The following SENP2 variants were observed in gnomAD, a reference collection of about 807,000 sequenced individuals.
The protein encoded by SENP2 is sentrin-specific protease 2.
SENP2 carries 16 observed loss-of-function variants against 86.3 expected under a neutral mutation model. The ratio of observed to expected loss-of-function variants is 0.19; its 90% CI spans 0.13 to 0.28. The LOEUF is 0.28. Among genes scored for constraint, SENP2 ranks in the 10% least tolerant of loss-of-function variants. SENP2 has a pLI of 1.00. For synonymous variants in SENP2, 222 were observed against 238.7 expected, an observed-to-expected ratio of 0.93 and a Z score of 0.64; for missense variants, 552 against 703.0, an observed-to-expected ratio of 0.79 and a Z score of 2.43.
chr3:185,625,430 T>A (rs1200388264), intron 15 of SENP2, among the ~76,000 whole-genome samples: 1 of 152,112 alleles, frequency 6.6e-6, no homozygotes, highest in African/African-American at 2.4e-5. Flanking sequence ...ACTTTAAAAA[T>A]CATAATCAAC....
At chr3:185,629,187 A>G (rs1351313623) in intron 16 of SENP2, among the ~76,000 whole-genome samples, 1 of 152,210 alleles carries the variant, frequency 6.6e-6, no homozygotes, top group Non-Finnish European at 1.5e-5. Flanking sequence ...AAAGTTGCCT[A>G]TTGTGCCACC....
At position 185,589,500 on chromosome 3, in the gene SENP2, C is replaced by T. The variant is rs117267565; in HGVS notation, c.102-614C>T. On this transcript the variant is annotated intron_variant, in intron 1 of 16. Coordinates refer to ENST00000296257, the MANE Select transcript of SENP2 (RefSeq NM_021627.3). ...CTAAACTCTTACCTGGGTTCATTTA[C>T]TAGCTAAGTGACTTTGGCCAGTTTT... Among the ~76,000 whole-genome samples, 25 of 152,300 alleles carry T rather than the reference C, an allele frequency of 1.6e-4. No homozygotes were observed. The East Asian group carries it at 4.8e-3, about 29-fold the overall frequency.
At chr3:185,616,518 G>C (rs1711613548) in intron 11 of SENP2, among the ~76,000 whole-genome samples, 1 of 151,050 alleles carries the variant, frequency 6.6e-6, no homozygotes, top group East Asian at 2.0e-4. Flanking sequence ...GCTCACACCT[G>C]TAATCCCAGC....
intron 1 of SENP2, among the ~76,000 whole-genome samples, chr3:185,588,352 G>A (rs576062014): frequency 4.8e-4 from 71 of 149,434 alleles, no homozygotes; most frequent in African/African-American, 1.7e-3. Flanking sequence ...GCCCTCGCCC[G>A]ACTAATTTTT....
At chr3:185,587,592 A>G (rs1647621065) in intron 1 of SENP2, among the ~76,000 whole-genome samples, 1 of 64,716 alleles carries the variant, frequency 1.5e-5, no homozygotes, top group Non-Finnish European at 3.3e-5. Context: ...TTTGAGAAGG[A>G]GTCTCGCTCT....
intron 13 of SENP2, 148 bp from the exon 14 acceptor site, chr3:185,621,678 A>T: frequency 2.1e-6 from 1 of 480,358 alleles, no homozygotes. Flanking sequence ...GTGAGCCACC[A>T]TGCATGGCCC....
At chr3:185,624,151 C>A in intron 15 of SENP2, 69 bp downstream of exon 15, 2 of 1,060,404 alleles carry the variant, frequency 1.9e-6, no homozygotes, top group Non-Finnish European at 1.4e-6. Flanking sequence ...CTAGATTTGG[C>A]TCCCTTCCTG....
chr3:185,609,932 C>T (rs753766556), intron 7 of SENP2, among the ~76,000 whole-genome samples: 17 of 152,098 alleles, frequency 1.1e-4, no homozygotes, highest in South Asian at 2.1e-4. Flanking sequence ...TATAGGACAG[C>T]TTGTTAATTA....
chr3:185,594,943 T>C (rs1236658971), intron 2 of SENP2, among the ~76,000 whole-genome samples: 1 of 151,680 alleles, frequency 6.6e-6, no homozygotes, highest in Non-Finnish European at 1.5e-5. Context: ...AGGCTGGTCT[T>C]GAACTCCTGA....
chr3:185,598,823 G>C, intron 3 of SENP2, 135 bp from the exon 4 acceptor site: 1 of 703,654 alleles, frequency 1.4e-6, no homozygotes, highest in Non-Finnish European at 2.4e-6. Context: ...TGTGAGTCTT[G>C]ACAAGTTAAA....
chr3:185,626,940 T>A (rs1712173071), intron 16 of SENP2, among the ~76,000 whole-genome samples: 1 of 150,152 alleles, frequency 6.7e-6, no homozygotes, highest in South Asian at 2.1e-4. Context: ...AGCCACGTGG[T>A]GGTGCATGCC....
At chr3:185,587,160 T>G (rs1721811278) in intron 1 of SENP2, among the ~76,000 whole-genome samples, 1 of 152,154 alleles carries the variant, frequency 6.6e-6, no homozygotes, top group Non-Finnish European at 1.5e-5. Flanking sequence ...TGAGACGGAG[T>G]CTTGCTCTGT....
intron 2 of SENP2, among the ~76,000 whole-genome samples, chr3:185,597,241 G>T (rs1041463365): frequency 1.3e-5 from 2 of 152,026 alleles, no homozygotes; most frequent in Non-Finnish European, 2.9e-5. Flanking sequence ...AATCAGTATG[G>T]ATTTGCTAAA....
chr3:185,590,901 C>CTTTT (rs1158491597), intron 2 of SENP2, among the ~76,000 whole-genome samples: 15 of 94,174 alleles, frequency 1.6e-4, no homozygotes, highest in Non-Finnish European at 1.8e-4. Context: ...AGAAAGTCTC[C>CTTTT]TTTTTTTTTT....
chr3:185,604,855 G>A (rs13081203), intron 5 of SENP2, among the ~76,000 whole-genome samples: 57,272 of 150,504 alleles, frequency 0.38, 11,097 homozygotes, highest in South Asian at 0.56. Context: ...TCCTGGGTTC[G>A]AGCAATTCTC....
chr3:185,594,657 T>C (rs1411290737), intron 2 of SENP2, among the ~76,000 whole-genome samples: 3 of 150,068 alleles, frequency 2.0e-5, no homozygotes, highest in Non-Finnish European at 4.4e-5. Context: ...TCTCGCTGTG[T>C]CACCCAGGCT....
intron 10 of SENP2, among the ~76,000 whole-genome samples, chr3:185,613,957 C>G (rs1334585804): frequency 1.3e-5 from 2 of 151,980 alleles, no homozygotes; most frequent in African/African-American, 2.4e-5. Flanking sequence ...TGCCTCCATA[C>G]CAACATGTTA....
At position 185,619,509 on chromosome 3, in the gene SENP2, A is replaced by T; in HGVS notation, c.1446+7A>T. 1 of 1,612,236 alleles carries T rather than the reference A, an allele frequency of 6.2e-7. No individual in the cohort carries two copies. The highest frequency in any genetic ancestry group is 8.5e-7 in the Non-Finnish European group (1 of 1,178,468). ...GGTACATTGGAGCCTGGTGGTGAGT[A>T]GAGAGGGTTAATGGTTAATTGTTGG... On this transcript the variant is annotated splice_region_variant and intron_variant, in intron 13 of 16. Coordinates refer to ENST00000296257, the MANE Select transcript of SENP2 (RefSeq NM_021627.3).
chr3:185,593,058 G>A (rs923167454), intron 2 of SENP2, among the ~76,000 whole-genome samples: 1 of 152,136 alleles, frequency 6.6e-6, no homozygotes, highest in Non-Finnish European at 1.5e-5. Context: ...TCAGCTCATC[G>A]AGTCTCAGTA....
Sources: gnomAD v4.1 joint callset for allele counts (sites outside exome capture counted in the v4.1 genomes callset) on GRCh38, gnomAD v4.1.1 for gene constraint, MANE v1.5 for transcripts, NCBI Gene and HGNC (gene_info 2026-07-23, HGNC 2026-07-21) for gene names.